EBF1: variants seen among roughly 807,000 people sequenced by gnomAD.
The protein encoded by EBF1 is transcription factor COE1.
Under a neutral mutation model 68.4 loss-of-function variants are expected in EBF1, and 10 were observed. The observed-to-expected ratio is 0.15, with a 90% CI of 0.09 to 0.25. The LOEUF is 0.25. EBF1 is among the 10% of genes least tolerant of loss of function. The probability of loss-of-function intolerance (pLI) is 1.00; values close to 1 mark genes in which losing one functional copy is unlikely to be tolerated. For synonymous variants in EBF1, 298 were observed against 299.8 expected (o/e 0.99, Z 0.06); for missense variants, 509 against 794.4 (o/e 0.64, Z 4.32).
At position 158,967,092 on chromosome 5, in the gene EBF1, TG is replaced by T. The variant is rs1432391567; in HGVS notation, c.554+106303del. 3.3e-5 allele frequency among the ~76,000 whole-genome samples: 5 copies of T among 150,538 alleles called. No homozygotes were observed. In the East Asian group the frequency reaches 9.7e-4, roughly 29 times the overall value. On this transcript the variant is annotated intron_variant, in intron 6 of 15. Coordinates refer to ENST00000313708, the MANE Select transcript of EBF1 (RefSeq NM_024007.5). ...AAACCTTTTCAGGAAATAAGAGATT[TG>T]GGGGAATGTACTTATAAGGGGGGTG...
chr5:159,070,285 T>A (rs1027334647), intron 6 of EBF1, among the ~76,000 whole-genome samples: 4 of 152,158 alleles, frequency 2.6e-5, no homozygotes, highest in African/African-American at 9.6e-5. Context: ...TTTACAGCAA[T>A]TTTTCTATAA....
intron 11 of EBF1, among the ~76,000 whole-genome samples, chr5:158,727,310 C>A (rs964645181): frequency 6.6e-6 from 1 of 152,204 alleles, no homozygotes; most frequent in African/African-American, 2.4e-5. Flanking sequence ...TGACCACTCA[C>A]GAAGGCAACT....
chr5:159,006,240 A>C (rs754282517), intron 6 of EBF1, among the ~76,000 whole-genome samples: 21 of 152,302 alleles, frequency 1.4e-4, no homozygotes, highest in Non-Finnish European at 3.1e-4. Context: ...CACTTCCAAA[A>C]GATAACTGGG....
intron 9 of EBF1, among the ~76,000 whole-genome samples, chr5:158,784,083 C>G (rs930015717): frequency 6.6e-6 from 1 of 152,168 alleles, no homozygotes; most frequent in Non-Finnish European, 1.5e-5. Context: ...ACCTTGATAA[C>G]GACTTCAACT....
At chr5:159,097,744 AGG>A (rs1782905591) in intron 1 of EBF1, 1 of 233,356 alleles carries the variant, frequency 4.3e-6, no homozygotes, top group Non-Finnish European at 8.5e-6. Context: ...AAAAGGGAAG[AGG>A]GGTGTTTTCT....
intron 6 of EBF1, among the ~76,000 whole-genome samples, chr5:159,040,418 C>T (rs1468138621): frequency 6.6e-6 from 1 of 152,176 alleles, no homozygotes; most frequent in Non-Finnish European, 1.5e-5. Flanking sequence ...TTTTCCTTCC[C>T]TTTTTCTTCT....
intron 6 of EBF1, among the ~76,000 whole-genome samples, chr5:158,845,705 GA>G (rs374702772): frequency 3.6e-5 from 5 of 138,268 alleles, no homozygotes; most frequent in East Asian, 2.1e-4. Context: ...CCTACAAAAA[GA>G]AAAAAAAAAA....
chr5:158,789,406 T>G (rs1472465449), intron 9 of EBF1, among the ~76,000 whole-genome samples: 1 of 152,216 alleles, frequency 6.6e-6, no homozygotes, highest in Non-Finnish European at 1.5e-5. Context: ...TTCTTTTTTA[T>G]TTTAGTGGAG....
intron 6 of EBF1, among the ~76,000 whole-genome samples, chr5:159,027,390 C>T (rs1767912331): frequency 6.6e-6 from 1 of 152,158 alleles, no homozygotes; most frequent in Non-Finnish European, 1.5e-5. Context: ...CCTTCTCAGA[C>T]CACTGTTCAT....
intron 6 of EBF1, among the ~76,000 whole-genome samples, chr5:158,931,791 C>A (rs1810947823): frequency 6.6e-6 from 1 of 152,094 alleles, no homozygotes; most frequent in Non-Finnish European, 1.5e-5. Context: ...AGCTAATACT[C>A]TAGGAGGCTG....
At chr5:158,831,993 T>C (rs1460036323) in intron 7 of EBF1, among the ~76,000 whole-genome samples, 1 of 152,140 alleles carries the variant, frequency 6.6e-6, no homozygotes, top group Non-Finnish European at 1.5e-5. Flanking sequence ...ATAAGTAAGA[T>C]TATACATGTA....
At chr5:158,821,543 C>G (rs1784818890) in intron 8 of EBF1, among the ~76,000 whole-genome samples, 1 of 152,164 alleles carries the variant, frequency 6.6e-6, no homozygotes, top group Admixed American at 6.5e-5. Flanking sequence ...TGGGCAGTAC[C>G]TATTGCAACT....
intron 11 of EBF1, among the ~76,000 whole-genome samples, chr5:158,729,324 A>T (rs1763605639): frequency 6.6e-6 from 1 of 152,224 alleles, no homozygotes; most frequent in East Asian, 1.9e-4. Context: ...TGGACTCTAG[A>T]GATCAAATGG....
chr5:158,713,092 C>A lies in EBF1; in HGVS notation c.1247G>T (p.Arg416Leu), dbSNP rs755850355. 2 of 1,597,006 alleles carry A rather than the reference C, an allele frequency of 1.3e-6. No homozygotes were observed. Among genetic ancestry groups the A allele is most frequent in the African/African-American group, 1.3e-5 (1 of 74,218 alleles). ...DIAEALYSVPRNHNQLPALAN... is the reference protein window; with the variant it reads ...DIAEALYSVPLNHNQLPALAN... ...AAGGGCCGGGAGTTGGTTGTGGTTG[C>A]GGGGAACACTGTACAGGGCCTCGGC... Residue 416 changes from arginine to leucine, a missense_variant, in exon 13 of 16, where the codon CGC (arginine) becomes CTC (leucine). Transcript: ENST00000313708.
intron 8 of EBF1, among the ~76,000 whole-genome samples, chr5:158,813,708 A>G (rs1336541039): frequency 6.6e-6 from 1 of 152,242 alleles, no homozygotes; most frequent in Non-Finnish European, 1.5e-5. Flanking sequence ...ACAGAGGCCC[A>G]GAGAAATCAA....
At chr5:158,909,215 A>G (rs530016102) in intron 6 of EBF1, among the ~76,000 whole-genome samples, 307 of 152,264 alleles carry the variant, frequency 2.0e-3, no homozygotes, top group African/African-American at 6.7e-3. Flanking sequence ...GAGTGTTTGC[A>G]TTCCTTCTCT....
intron 10 of EBF1, among the ~76,000 whole-genome samples, chr5:158,757,884 C>T (rs1022268615): frequency 6.6e-6 from 1 of 152,108 alleles, no homozygotes; most frequent in Non-Finnish European, 1.5e-5. Flanking sequence ...GGGCTTTGTT[C>T]ATTCAGCAAG....
rs765785730 is a variant in EBF1 at position 158,696,186 on chromosome 5, AT to A, written c.*2924del. On this transcript the variant is annotated 3_prime_UTR_variant, in exon 16 of 16. Coordinates refer to ENST00000313708, the MANE Select transcript of EBF1 (RefSeq NM_024007.5). ...TGCAATCCAGTCATCCAGAAGCTGTATTTTTTCCCCCAACACTGAAATCTTA... is the reference window on the plus strand; with the variant it reads ...TGCAATCCAGTCATCCAGAAGCTGTATTTTTCCCCCAACACTGAAATCTTA... The A allele has an allele frequency of 6.0e-5, 13 of 216,808 alleles. No homozygotes were observed. Among genetic ancestry groups the A allele is most frequent in the Non-Finnish European group, 8.3e-5 (9 of 107,854 alleles). The allele number at this position is 216,808 out of a possible 1,614,324, so 13.4% of individuals were successfully genotyped here. A position where few individuals can be genotyped will look rare whatever the true frequency, so the allele number is the denominator to read the frequency against.
At chr5:158,771,871 G>A (rs1400492597) in intron 10 of EBF1, among the ~76,000 whole-genome samples, 1 of 152,156 alleles carries the variant, frequency 6.6e-6, no homozygotes, top group South Asian at 2.1e-4. Flanking sequence ...GCTGGGATAC[G>A]ATGCAAGCCT....
Sources: allele counts gnomAD v4.1 joint callset (sites outside exome capture counted in the v4.1 genomes callset), GRCh38; gene constraint gnomAD v4.1.1; transcripts MANE v1.5; gene names NCBI Gene and HGNC (gene_info 2026-07-23, HGNC 2026-07-21).